The following BRINP3 variants were observed in gnomAD, a reference collection of about 807,000 sequenced individuals.
The protein encoded by BRINP3 is BMP/retinoic acid-inducible neural-specific protein 3.
A neutral mutation model predicts 71.0 loss-of-function variants in BRINP3; 19 were observed. The ratio of observed to expected loss-of-function variants is 0.27; its 90% CI spans 0.19 to 0.39. BRINP3 has a LOEUF of 0.39. Among genes scored for constraint, BRINP3 ranks in the 10% least tolerant of loss-of-function variants. The pLI is 1.00. For synonymous variants in BRINP3, 380 were observed against 337.7 expected, an observed-to-expected ratio of 1.13 and a Z score of -1.37; for missense variants, 959 against 940.8, an observed-to-expected ratio of 1.02 and a Z score of -0.25.
intron 7 of BRINP3, among the ~76,000 whole-genome samples, chr1:190,128,713 G>A (rs1305505177): frequency 6.6e-6 from 1 of 151,764 alleles, no homozygotes; most frequent in East Asian, 1.9e-4. Flanking sequence ...TCACATAAAA[G>A]ATGAATTGCC....
chr1:190,115,096 G>C (rs1471001015), intron 7 of BRINP3, among the ~76,000 whole-genome samples: 1 of 151,954 alleles, frequency 6.6e-6, no homozygotes, highest in Non-Finnish European at 1.5e-5. Context: ...ATGATGGCAG[G>C]AAGTTTTATC....
chr1:190,140,253 C>T (rs1655322433), intron 7 of BRINP3, among the ~76,000 whole-genome samples: 1 of 152,126 alleles, frequency 6.6e-6, no homozygotes, highest in Non-Finnish European at 1.5e-5. Flanking sequence ...TCTATACAAA[C>T]ACTTTTCACT....
At chr1:190,250,771 G>GAATGTTCTACAAA (rs1166217428) in intron 4 of BRINP3, among the ~76,000 whole-genome samples, 1 of 151,956 alleles carries the variant, frequency 6.6e-6, no homozygotes, top group African/African-American at 2.4e-5. Context: ...CAGAACCTTA[G>GAATGTTCTACAAA]AATGTTCTAC....
At chr1:190,456,140 G>T (rs182073794) in intron 1 of BRINP3, among the ~76,000 whole-genome samples, 12 of 152,224 alleles carry the variant, frequency 7.9e-5, no homozygotes, top group Admixed American at 7.9e-4. Context: ...ATTTGAATAA[G>T]AACACTGGTG....
chr1:190,175,291 A>G (rs1274944303), intron 6 of BRINP3, among the ~76,000 whole-genome samples: 1 of 152,172 alleles, frequency 6.6e-6, no homozygotes, highest in Non-Finnish European at 1.5e-5. Flanking sequence ...TTCCAAATAA[A>G]TGTTCAGTAA....
At chr1:190,469,121 G>A (rs995663178) in intron 1 of BRINP3, among the ~76,000 whole-genome samples, 2 of 150,702 alleles carry the variant, frequency 1.3e-5, no homozygotes, top group African/African-American at 2.4e-5. Context: ...ACTCTCTTTG[G>A]AGTAAAATTG....
intron 2 of BRINP3, among the ~76,000 whole-genome samples, chr1:190,421,289 C>A (rs1295111322): frequency 1.7e-5 from 2 of 116,080 alleles, no homozygotes; most frequent in Non-Finnish European, 3.5e-5. Context: ...GAACAAGATT[C>A]TCATTATTAT....
intron 3 of BRINP3, among the ~76,000 whole-genome samples, chr1:190,280,463 G>GA (rs941905032): frequency 2.3e-4 from 34 of 148,858 alleles, no homozygotes; most frequent in East Asian, 5.9e-4. Flanking sequence ...AGTATTGTAG[G>GA]AAAAAAAAAA....
chr1:190,412,792 C>A (rs953158182), intron 2 of BRINP3, among the ~76,000 whole-genome samples: 1 of 151,782 alleles, frequency 6.6e-6, no homozygotes, highest in South Asian at 2.1e-4. Context: ...TTAAACCACA[C>A]TATACATTTT....
At chr1:190,168,932 T>C (rs1651786201) in intron 6 of BRINP3, among the ~76,000 whole-genome samples, 1 of 152,174 alleles carries the variant, frequency 6.6e-6, no homozygotes, top group African/African-American at 2.4e-5. Context: ...AGGCACAATT[T>C]TTCTTTCATA....
intron 2 of BRINP3, among the ~76,000 whole-genome samples, chr1:190,332,522 C>T (rs951079537): frequency 4.6e-5 from 7 of 152,012 alleles, no homozygotes; most frequent in Non-Finnish European, 7.4e-5. Flanking sequence ...GGAATGGTGG[C>T]CAAGCTGAAA....
intron 4 of BRINP3, among the ~76,000 whole-genome samples, chr1:190,253,937 T>A (rs949701532): frequency 7.2e-5 from 11 of 152,312 alleles, no homozygotes; most frequent in African/African-American, 2.6e-4. Context: ...TTGAATTAAT[T>A]TTTGTATAAG....
intron 2 of BRINP3, among the ~76,000 whole-genome samples, chr1:190,355,759 A>T (rs1668686682): frequency 6.6e-6 from 1 of 151,954 alleles, no homozygotes; most frequent in African/African-American, 2.4e-5. Flanking sequence ...AGTTTTTCCC[A>T]GAACAGGGAA....
At chr1:190,462,099 A>T (rs940304499) in intron 1 of BRINP3, among the ~76,000 whole-genome samples, 2 of 151,926 alleles carry the variant, frequency 1.3e-5, no homozygotes, top group African/African-American at 4.8e-5. Flanking sequence ...TTTAGTAGAG[A>T]TGGGATTTCA....
Position 190,457,905 on chromosome 1 carries a change from T to A in BRINP3, c.-50-2965A>T, listed in dbSNP as rs1429778231. 2.0e-5 allele frequency among the ~76,000 whole-genome samples: 3 copies of A among 151,282 alleles called. No homozygotes were observed. In the East Asian group the frequency reaches 5.8e-4, roughly 29 times the overall value. Reference sequence around the variant, plus strand: ...ATGTGTTGAGCTTGTTTCATAGTCTTCATATCCCCTCATTAAAAAAAAAAA... The same window carrying A: ...ATGTGTTGAGCTTGTTTCATAGTCTACATATCCCCTCATTAAAAAAAAAAA... On this transcript the variant is annotated intron_variant, in intron 1 of 7. Coordinates refer to ENST00000367462, the MANE Select transcript of BRINP3 (RefSeq NM_199051.3).
intron 7 of BRINP3, among the ~76,000 whole-genome samples, chr1:190,151,417 C>T (rs1034568053): frequency 6.6e-5 from 10 of 152,126 alleles, no homozygotes; most frequent in Non-Finnish European, 1.3e-4. Context: ...CATCTACAAA[C>T]CATTGACAGT....
At chr1:190,346,389 T>A (rs1668023159) in intron 2 of BRINP3, among the ~76,000 whole-genome samples, 1 of 152,128 alleles carries the variant, frequency 6.6e-6, no homozygotes, top group Admixed American at 6.6e-5. Flanking sequence ...GTTAGTTGTA[T>A]GCAAGACATT....
At chr1:190,254,447 G>A (rs751957313) in intron 4 of BRINP3, among the ~76,000 whole-genome samples, 2 of 151,664 alleles carry the variant, frequency 1.3e-5, no homozygotes, top group African/African-American at 2.4e-5. Context: ...CTTTTATTTC[G>A]TTGAGCAGTG....
In BRINP3 at chr1:190,097,995, T is replaced by C; in HGVS notation, c.*23A>G. Reference sequence around the variant, plus strand: ...CACTGTAAAAACTCCTTCAAGATTTTGGGTTGTGCTTGACATTTATGGTTA... The same window carrying C: ...CACTGTAAAAACTCCTTCAAGATTTCGGGTTGTGCTTGACATTTATGGTTA... On this transcript the variant is annotated 3_prime_UTR_variant, in exon 8 of 8. Transcript: ENST00000367462. The C allele has an allele frequency of 6.4e-7, 1 of 1,572,212 alleles. No homozygotes were observed. The highest frequency in any genetic ancestry group is 8.6e-7 in the Non-Finnish European group (1 of 1,160,908).
Sources: gnomAD v4.1 joint callset for allele counts (sites outside exome capture counted in the v4.1 genomes callset) on GRCh38, gnomAD v4.1.1 for gene constraint, MANE v1.5 for transcripts, NCBI Gene and HGNC (gene_info 2026-07-23, HGNC 2026-07-21) for gene names.